NRXN3: variants seen among roughly 807,000 people sequenced by gnomAD.
NRXN3 encodes the protein neurexin III.
In NRXN3, 32 loss-of-function variants were observed where a neutral mutation model predicts 137.6. The observed-to-expected ratio is 0.23, with a 90% CI of 0.18 to 0.31. The LOEUF (loss-of-function observed/expected upper bound fraction) is 0.31, where lower values mean the gene tolerates loss of function less well. Ranked by LOEUF, NRXN3 falls within the 10% of genes least tolerant of loss-of-function variation. The probability of loss-of-function intolerance (pLI) is 1.00; values close to 1 mark genes in which losing one functional copy is unlikely to be tolerated. For synonymous variants in NRXN3, 798 were observed against 784.5 expected (o/e 1.02, Z -0.29); for missense variants, 1,574 against 2,062.5 (o/e 0.76, Z 4.59).
At chr14:79,071,708 A>C (rs1457452325) in intron 15 of NRXN3, among the ~76,000 whole-genome samples, 1 of 152,164 alleles carries the variant, frequency 6.6e-6, no homozygotes. Context: ...GGGACGGTTC[A>C]TTGGTACCAA....
At chr14:79,540,705 T>C (rs899435445) in intron 16 of NRXN3, among the ~76,000 whole-genome samples, 4 of 152,102 alleles carry the variant, frequency 2.6e-5, no homozygotes, top group South Asian at 2.1e-4. Context: ...GTAAATAAGA[T>C]TGAGGGAGGT....
chr14:79,420,482 C>T (rs1320561288), intron 15 of NRXN3, among the ~76,000 whole-genome samples: 1 of 152,060 alleles, frequency 6.6e-6, no homozygotes, highest in Admixed American at 6.6e-5. Context: ...TAAGTGGCTA[C>T]ACACATTATC....
chr14:78,501,297 G>A (rs1005575633), intron 4 of NRXN3, among the ~76,000 whole-genome samples: 2 of 152,122 alleles, frequency 1.3e-5, no homozygotes, highest in African/African-American at 4.8e-5. Flanking sequence ...ACTGGCAAAA[G>A]GTCTGCTTCC....
At chr14:78,282,188 ACTGGTCTTC>A (rs766487074) in intron 3 of NRXN3, 4 of 489,346 alleles carry the variant, frequency 8.2e-6, no homozygotes, top group South Asian at 5.9e-5. Context: ...GGGATTTGTC[ACTGGTCTTC>A]CTGGGCTGCT....
At chr14:79,026,710 G>A (rs1483327762) in intron 15 of NRXN3, among the ~76,000 whole-genome samples, 2 of 151,964 alleles carry the variant, frequency 1.3e-5, no homozygotes, top group African/African-American at 4.8e-5. Context: ...ACTAAGGTAT[G>A]TGAAAATAAC....
At chr14:79,157,220 A>T (rs2060330816) in intron 15 of NRXN3, among the ~76,000 whole-genome samples, 1 of 151,784 alleles carries the variant, frequency 6.6e-6, no homozygotes, top group Non-Finnish European at 1.5e-5. Flanking sequence ...TAGCAGTGAG[A>T]TATAAAAATG....
chr14:78,382,003 T>G lies in NRXN3; in HGVS notation c.757+84143T>G, dbSNP rs188416639. ...TCTTGTGATGGAAATTTCCTGTATC[T>G]TGATGGTATCAACATCAATATTCTG... On this transcript the variant is annotated intron_variant, in intron 4 of 20. Transcript: ENST00000335750. Among the ~76,000 whole-genome samples, 60 of 152,318 alleles carry G rather than the reference T, an allele frequency of 3.9e-4. No individual in the cohort carries two copies. In the East Asian group the frequency reaches 0.011, roughly 27 times the overall value.
intron 4 of NRXN3, among the ~76,000 whole-genome samples, chr14:78,643,296 C>T (rs1307557136): frequency 2.0e-5 from 3 of 152,062 alleles, no homozygotes; most frequent in African/African-American, 7.2e-5. Context: ...GTAGTTCCGG[C>T]AGGGAAAATA....
At chr14:79,803,621 G>T (rs749909284) in intron 19 of NRXN3, among the ~76,000 whole-genome samples, 31 of 152,022 alleles carry the variant, frequency 2.0e-4, no homozygotes, top group Non-Finnish European at 4.1e-4. Context: ...ATTCTGAGGG[G>T]CTGGGGAGTA....
rs967588084 is a variant in NRXN3 at position 79,865,319 on chromosome 14, T to C, written c.*3355T>C. On this transcript the variant is annotated 3_prime_UTR_variant, in exon 21 of 21. Coordinates refer to ENST00000335750, the MANE Select transcript of NRXN3 (RefSeq NM_001330195.2). The stretch of plus-strand genomic sequence containing the variant: ...TTTCATACACCCATTGTAGCAGTAA[T>C]GTCTCATATTTCTCGTTCTCTCAGC... The C allele has an allele frequency of 1.4e-4, 21 of 152,220 alleles. No individual in the cohort carries two copies. Among genetic ancestry groups the C allele is most frequent in the Admixed American group, 1.2e-3 (19 of 15,290 alleles). The allele number at this position is 152,220 out of a possible 1,614,324, so 9.4% of individuals were successfully genotyped here. A position where few individuals can be genotyped will look rare whatever the true frequency, so the allele number is the denominator to read the frequency against.
intron 10 of NRXN3, among the ~76,000 whole-genome samples, chr14:78,919,335 C>CT (rs1206003573): frequency 6.6e-6 from 1 of 152,152 alleles, no homozygotes; most frequent in Non-Finnish European, 1.5e-5. Context: ...CACCAAAACA[C>CT]TAAGCATCTT....
chr14:78,986,020 G>A (rs2099502848), intron 14 of NRXN3, among the ~76,000 whole-genome samples: 1 of 152,170 alleles, frequency 6.6e-6, no homozygotes, highest in East Asian at 1.9e-4. Flanking sequence ...TCTTATGAGT[G>A]ATGGCCTGTC....
At chr14:78,720,751 T>C (rs528998321) in intron 8 of NRXN3, among the ~76,000 whole-genome samples, 4 of 152,362 alleles carry the variant, frequency 2.6e-5, no homozygotes, top group Non-Finnish European at 5.9e-5. Flanking sequence ...TTTTGTGTCT[T>C]CTTTAGAATA....
chr14:78,617,779 AC>A (rs1366796536), intron 4 of NRXN3, among the ~76,000 whole-genome samples: 8 of 152,052 alleles, frequency 5.3e-5, no homozygotes, highest in Non-Finnish European at 8.8e-5. Context: ...GTGTTACAAA[AC>A]ATACGTACAA....
At chr14:78,187,346 C>T (rs916043749) in intron 1 of NRXN3, among the ~76,000 whole-genome samples, 32 of 151,682 alleles carry the variant, frequency 2.1e-4, no homozygotes, top group Admixed American at 2.0e-3. Context: ...TGGGGTCACT[C>T]ATGCAGACTT....
At chr14:78,182,151 C>A (rs2059862893) in intron 1 of NRXN3, among the ~76,000 whole-genome samples, 1 of 152,054 alleles carries the variant, frequency 6.6e-6, no homozygotes, top group South Asian at 2.1e-4. Context: ...TCGTTGAGCA[C>A]TCACCGTCTG....
chr14:78,182,524 C>A (rs2059899857), intron 1 of NRXN3, among the ~76,000 whole-genome samples: 1 of 152,192 alleles, frequency 6.6e-6, no homozygotes, highest in African/African-American at 2.4e-5. Context: ...GGCTGGAATG[C>A]AATGGCGCGA....
At chr14:78,934,167 A>C (rs2099329244) in intron 10 of NRXN3, among the ~76,000 whole-genome samples, 1 of 151,780 alleles carries the variant, frequency 6.6e-6, no homozygotes, top group East Asian at 1.9e-4. Flanking sequence ...CAACCAAAAA[A>C]AAAAAAAAAA....
At chr14:79,582,643 T>A (rs28521419) in intron 16 of NRXN3, among the ~76,000 whole-genome samples, 3,408 of 151,044 alleles carry the variant, frequency 0.023, 139 homozygotes, top group African/African-American at 0.079. Context: ...ATGGTCTTGA[T>A]CTCTTGATCT....
Sources: allele counts gnomAD v4.1 joint callset (sites outside exome capture counted in the v4.1 genomes callset), GRCh38; gene constraint gnomAD v4.1.1; transcripts MANE v1.5; gene names NCBI Gene and HGNC (gene_info 2026-07-23, HGNC 2026-07-21).